GRM5: variants seen among roughly 807,000 people sequenced by gnomAD.
The protein encoded by GRM5 is metabotropic glutamate receptor 5.
Under a neutral mutation model 83.1 loss-of-function variants are expected in GRM5, and 19 were observed. The ratio of observed to expected loss-of-function variants is 0.23; its 90% CI spans 0.16 to 0.34. The LOEUF is 0.34. GRM5 is among the 10% of genes least tolerant of loss of function. GRM5 has a pLI of 1.00. For missense variants in GRM5, 1,160 were observed against 1,588.3 expected, an observed-to-expected ratio of 0.73 and a Z score of 4.58; for synonymous variants, 675 against 633.6, an observed-to-expected ratio of 1.07 and a Z score of -0.98.
chr11:88,950,872 G>A (rs534142915), intron 2 of GRM5, among the ~76,000 whole-genome samples: 276 of 152,272 alleles, frequency 1.8e-3, no homozygotes, highest in African/African-American at 6.3e-3. Context: ...CAGGTTTGTC[G>A]TTAGGATCAA....
chr11:88,615,201 T>A (rs1417744290), intron 4 of GRM5, among the ~76,000 whole-genome samples: 2 of 152,116 alleles, frequency 1.3e-5, no homozygotes, highest in African/African-American at 2.4e-5. Flanking sequence ...TAGAAGTGCC[T>A]GGTGACTATT....
chr11:88,795,520 G>T (rs1943260084), intron 3 of GRM5, among the ~76,000 whole-genome samples: 1 of 152,128 alleles, frequency 6.6e-6, no homozygotes. Flanking sequence ...TCCATTTGAA[G>T]GTATCTGTGA....
chr11:89,004,094 T>C (rs1036732273), intron 2 of GRM5, among the ~76,000 whole-genome samples: 30 of 152,178 alleles, frequency 2.0e-4, no homozygotes, highest in African/African-American at 7.0e-4. Flanking sequence ...GTTCAGGGTG[T>C]TGAAGAGGTA....
chr11:88,547,087 T>C (rs987074855), intron 8 of GRM5, among the ~76,000 whole-genome samples: 17 of 152,202 alleles, frequency 1.1e-4, no homozygotes, highest in Non-Finnish European at 2.1e-4. Context: ...GTTTTACCTA[T>C]ATCTGATTAA....
intron 3 of GRM5, among the ~76,000 whole-genome samples, chr11:88,817,671 A>G (rs890865653): frequency 2.6e-5 from 4 of 152,044 alleles, no homozygotes; most frequent in Non-Finnish European, 5.9e-5. Flanking sequence ...TGAGGGAAAT[A>G]TAATAACACT....
chr11:88,711,647 A>G (rs1941282266), intron 3 of GRM5, among the ~76,000 whole-genome samples: 1 of 152,104 alleles, frequency 6.6e-6, no homozygotes, highest in Admixed American at 6.6e-5. Flanking sequence ...AATATGAATA[A>G]CAATAGTAAT....
intron 2 of GRM5, among the ~76,000 whole-genome samples, chr11:88,931,348 C>T (rs1480420069): frequency 6.6e-6 from 1 of 151,594 alleles, no homozygotes; most frequent in Non-Finnish European, 1.5e-5. Flanking sequence ...AAGGAATATG[C>T]ATAAAAATGA....
intron 2 of GRM5, among the ~76,000 whole-genome samples, chr11:88,975,031 A>G (rs1384970521): frequency 6.6e-6 from 1 of 152,224 alleles, no homozygotes; most frequent in East Asian, 1.9e-4. Context: ...AAGGAGTCTG[A>G]TGTGTCAATG....
chr11:88,903,953 A>G (rs1445810970), intron 2 of GRM5, among the ~76,000 whole-genome samples: 2 of 152,200 alleles, frequency 1.3e-5, no homozygotes, highest in African/African-American at 2.4e-5. Flanking sequence ...TATAGATTTC[A>G]TGCTGAGTGA....
chr11:88,996,754 C>G (rs1372379253), intron 2 of GRM5, among the ~76,000 whole-genome samples: 2 of 152,090 alleles, frequency 1.3e-5, no homozygotes, highest in Non-Finnish European at 2.9e-5. Context: ...AGATAGAAAA[C>G]AAACCACAAC....
At chr11:88,652,079 G>C (rs938648274) in intron 4 of GRM5, among the ~76,000 whole-genome samples, 10 of 151,918 alleles carry the variant, frequency 6.6e-5, no homozygotes, top group African/African-American at 2.4e-4. Flanking sequence ...ACTGAATTCT[G>C]GTGTTCCAGC....
chr11:88,825,399 C>A (rs142596099), intron 3 of GRM5, among the ~76,000 whole-genome samples: 2,039 of 152,250 alleles, frequency 0.013, 21 homozygotes, highest in Middle Eastern at 0.031. Flanking sequence ...ACTATATTTA[C>A]ATTAGCCCAA....
chr11:88,854,058 G>GTGTGTATATATATATATATATATA (rs1555027663), intron 2 of GRM5, among the ~76,000 whole-genome samples: 1 of 121,196 alleles, frequency 8.3e-6, no homozygotes, highest in African/African-American at 3.1e-5. Context: ...AAAATGTGGT[G>GTGTGTATATATATATATATATATA]TATATATATA....
chr11:88,932,097 G>A (rs1225652530), intron 2 of GRM5, among the ~76,000 whole-genome samples: 2 of 151,916 alleles, frequency 1.3e-5, no homozygotes, highest in African/African-American at 2.4e-5. Flanking sequence ...AGTTTTATTG[G>A]GTGTATAGAC....
intron 3 of GRM5, among the ~76,000 whole-genome samples, chr11:88,803,192 G>C (rs1490503041): frequency 6.6e-6 from 1 of 150,788 alleles, no homozygotes; most frequent in Non-Finnish European, 1.5e-5. Flanking sequence ...CTACTTTAAA[G>C]TTCATATGGA....
chr11:88,604,726 A>G lies in GRM5; in HGVS notation c.1386T>C (p.Ser462=), dbSNP rs757166027. The G allele has an allele frequency of 4.3e-6, 7 of 1,611,820 alleles. No individual in the cohort carries two copies. The South Asian group carries it at 7.7e-5, about 18-fold the overall frequency. ...GAATTGTAACACAATACCTTCCTGGAGAGTCTCCATTCTCATCGAATAGGA... is the reference window on the plus strand; with the variant it reads ...GAATTGTAACACAATACCTTCCTGGGGAGTCTCCATTCTCATCGAATAGGA... ...DTILFDENGD[S]PGRYEIMNFK... The change falls in exon 5 of 10, where the codon TCT becomes TCC. Residue 462 remains serine, a synonymous_variant. Coordinates refer to ENST00000305447, the MANE Select transcript of GRM5 (RefSeq NM_001143831.3).
intron 7 of GRM5, among the ~76,000 whole-genome samples, chr11:88,578,865 A>G (rs77124878): frequency 1.3e-5 from 2 of 152,092 alleles, no homozygotes; most frequent in African/African-American, 4.8e-5. Context: ...GAAAAAAAAA[A>G]GACAGTGCAC....
intron 8 of GRM5, among the ~76,000 whole-genome samples, chr11:88,558,278 C>T (rs79034772): frequency 0.013 from 1,971 of 152,176 alleles, 46 homozygotes; most frequent in African/African-American, 0.045. Flanking sequence ...CAGCTCTTGG[C>T]GATTTATGGC....
At chr11:88,563,862 G>T (rs1337755606) in intron 8 of GRM5, among the ~76,000 whole-genome samples, 1 of 152,156 alleles carries the variant, frequency 6.6e-6, no homozygotes, top group Non-Finnish European at 1.5e-5. Flanking sequence ...CTGAATCCCT[G>T]CATAACCAGC....
Sources: allele counts gnomAD v4.1 joint callset (sites outside exome capture counted in the v4.1 genomes callset), GRCh38; gene constraint gnomAD v4.1.1; transcripts MANE v1.5; gene names NCBI Gene and HGNC (gene_info 2026-07-23, HGNC 2026-07-21).